The following IKZF2 variants were observed in gnomAD, a reference collection of about 807,000 sequenced individuals.
The protein encoded by IKZF2 is zinc finger protein Helios.
In IKZF2, 15 loss-of-function variants were observed where a neutral mutation model predicts 49.2. The ratio of observed to expected loss-of-function variants is 0.30; its 90% CI spans 0.20 to 0.47. IKZF2 has a LOEUF of 0.47. Among genes scored for constraint, IKZF2 ranks in the 20% least tolerant of loss-of-function variants. The probability of loss-of-function intolerance (pLI) is 1.00; values close to 1 mark genes in which losing one functional copy is unlikely to be tolerated. For missense variants in IKZF2, 567 were observed against 664.6 expected (o/e 0.85, Z 1.61); for synonymous variants, 227 against 221.4 (o/e 1.03, Z -0.23).
At chr2:213,076,780 G>C (rs987609078) in intron 4 of IKZF2, among the ~76,000 whole-genome samples, 2 of 152,188 alleles carry the variant, frequency 1.3e-5, no homozygotes, top group Admixed American at 6.5e-5. Flanking sequence ...ATTAAGAAAT[G>C]AAAGTCCAGC....
At chr2:213,083,019 G>A (rs1704119296) in intron 4 of IKZF2, among the ~76,000 whole-genome samples, 1 of 152,042 alleles carries the variant, frequency 6.6e-6, no homozygotes, top group Non-Finnish European at 1.5e-5. Context: ...TTATTTGATG[G>A]TAATTTTATA....
At chr2:213,077,599 T>A (rs1375413499) in intron 4 of IKZF2, among the ~76,000 whole-genome samples, 2 of 142,258 alleles carry the variant, frequency 1.4e-5, no homozygotes, top group African/African-American at 2.6e-5. Context: ...TTTTTTTTTT[T>A]TTTTTTGAGA....
intron 4 of IKZF2, among the ~76,000 whole-genome samples, chr2:213,088,032 G>C (rs189082824): frequency 1.3e-5 from 2 of 152,264 alleles, no homozygotes; most frequent in East Asian, 3.9e-4. Context: ...GTAATGGGAT[G>C]GCTGGGTCAA....
At chr2:213,049,414 C>T (rs189953424) in intron 6 of IKZF2, among the ~76,000 whole-genome samples, 6 of 152,112 alleles carry the variant, frequency 3.9e-5, no homozygotes, top group Admixed American at 1.3e-4. Context: ...ACCATAATGA[C>T]TGCATTCTTA....
intron 6 of IKZF2, among the ~76,000 whole-genome samples, chr2:213,032,650 C>A (rs1698577772): frequency 6.6e-6 from 1 of 152,082 alleles, no homozygotes; most frequent in Non-Finnish European, 1.5e-5. Context: ...GGCTGAGAGG[C>A]TGAGGTGGGA....
chr2:213,030,812 C>CTTTTTT (rs918257825), intron 6 of IKZF2, among the ~76,000 whole-genome samples: 15 of 133,698 alleles, frequency 1.1e-4, no homozygotes, highest in South Asian at 2.4e-4. Flanking sequence ...TACTATTTTT[C>CTTTTTT]TTTTTTTTTT....
chr2:213,045,805 A>T (rs1700097842), intron 6 of IKZF2, among the ~76,000 whole-genome samples: 1 of 152,132 alleles, frequency 6.6e-6, no homozygotes, highest in Non-Finnish European at 1.5e-5. Flanking sequence ...GCCTCTCTAG[A>T]TTTTAGAAGC....
chr2:213,049,812 T>C lies in IKZF2; in HGVS notation c.475A>G (p.Ile159Val), dbSNP rs1700509307. The change falls in exon 6 of 9, where the codon ATA (isoleucine) becomes GTA (valine). Residue 159 changes from isoleucine to valine, a missense_variant. Ile to Val is a conservative substitution (Grantham distance 29). Coordinates refer to ENST00000434687, the MANE Select transcript of IKZF2 (RefSeq NM_001387220.1). ...FTQKGNLLRH[I>V]KLHSGEKPFK... ...GGCTTCTCTCCAGAGTGTAACTTTA[T>C]GTGTCTCAGAAGGTTGCCCTTCTGA... 1.9e-6 allele frequency: 3 copies of C among 1,610,396 alleles called. No homozygotes were observed. The highest frequency in any genetic ancestry group is 2.5e-6 in the Non-Finnish European group (3 of 1,177,818).
At chr2:213,030,742 C>T (rs1698323689) in intron 6 of IKZF2, among the ~76,000 whole-genome samples, 1 of 150,212 alleles carries the variant, frequency 6.7e-6, no homozygotes, top group East Asian at 1.9e-4. Context: ...TTTTTGTGAA[C>T]ATACTGTGAA....
At chr2:213,092,108 A>C (rs2371794) in intron 4 of IKZF2, among the ~76,000 whole-genome samples, 133,829 of 152,162 alleles carry the variant, frequency 0.88, 59,092 homozygotes, top group African/African-American at 0.92. Context: ...TCACTGCAGC[A>C]TCGACTTCCT....
intron 4 of IKZF2, among the ~76,000 whole-genome samples, chr2:213,129,189 A>T (rs2060383878): frequency 6.6e-6 from 1 of 151,892 alleles, no homozygotes; most frequent in Non-Finnish European, 1.5e-5. Flanking sequence ...TGAATGAACA[A>T]GCCAAATGTT....
In IKZF2 at chr2:213,049,802, T is replaced by C. The variant is rs1166398297; in HGVS notation, c.485A>G (p.His162Arg). The C allele has an allele frequency of 6.2e-7, 1 of 1,610,228 alleles. No individual in the cohort carries two copies. Among genetic ancestry groups the C allele is most frequent in the Non-Finnish European group, 8.5e-7 (1 of 1,177,882 alleles). Residue 162 changes from histidine (H) to arginine (R), a missense_variant, in exon 6 of 9, where the codon CAC (histidine) becomes CGC (arginine). Around this residue, in one of 5 missense-constraint regions of IKZF2, gnomAD observed 54 missense variants for 119.9 expected, o/e 0.45. Coordinates refer to ENST00000434687, the MANE Select transcript of IKZF2 (RefSeq NM_001387220.1). ...KGNLLRHIKL[H>R]SGEKPFKCPF... is the part of the protein sequence containing the mutation. ...ACATTTGAACGGCTTCTCTCCAGAG[T>C]GTAACTTTATGTGTCTCAGAAGGTT... is the stretch of plus-strand genomic sequence containing the variant.
intron 4 of IKZF2, among the ~76,000 whole-genome samples, chr2:213,125,822 TA>T (rs146931365): frequency 6.6e-6 from 1 of 151,458 alleles, no homozygotes; most frequent in African/African-American, 2.4e-5. Flanking sequence ...ACGTTGGTAT[TA>T]AAAAAAAATC....
intron 6 of IKZF2, among the ~76,000 whole-genome samples, chr2:213,047,991 C>A (rs12620155): frequency 0.57 from 86,967 of 151,804 alleles, 25,788 homozygotes; most frequent in East Asian, 0.76. Flanking sequence ...TTTCTGGCAA[C>A]TTAGAGGAGC....
chr2:213,035,676 G>A (rs905467594), intron 6 of IKZF2, among the ~76,000 whole-genome samples: 4 of 152,156 alleles, frequency 2.6e-5, no homozygotes, highest in Non-Finnish European at 5.9e-5. Context: ...AAGAAACCTC[G>A]GGTTGCAAAG....
At chr2:213,069,749 C>G (rs556972343) in intron 4 of IKZF2, among the ~76,000 whole-genome samples, 1 of 152,216 alleles carries the variant, frequency 6.6e-6, no homozygotes, top group East Asian at 1.9e-4. Flanking sequence ...AACACCTTCA[C>G]AGTATAGCAA....
At chr2:213,143,855 T>C (rs749802710) in intron 4 of IKZF2, among the ~76,000 whole-genome samples, 5 of 151,944 alleles carry the variant, frequency 3.3e-5, no homozygotes, top group Non-Finnish European at 7.4e-5. Context: ...GAGATATTTG[T>C]CACAAAAATA....
intron 4 of IKZF2, among the ~76,000 whole-genome samples, chr2:213,093,827 G>C (rs79966755): frequency 0.04 from 6,092 of 152,232 alleles, 258 homozygotes; most frequent in African/African-American, 0.11. Flanking sequence ...TCCTAAGTTG[G>C]GAAGAAAGAT....
chr2:213,053,019 C>A (rs1362466025), intron 5 of IKZF2, among the ~76,000 whole-genome samples: 4 of 151,950 alleles, frequency 2.6e-5, no homozygotes, highest in African/African-American at 9.7e-5. Flanking sequence ...TCAATGTGCC[C>A]TTTTTGAGTC....
Sources: gnomAD v4.1 joint callset for allele counts (sites outside exome capture counted in the v4.1 genomes callset) on GRCh38, gnomAD v4.1.1 for gene constraint, gnomAD v4.1.1 regional missense constraint, MANE v1.5 for transcripts, NCBI Gene and HGNC (gene_info 2026-07-23, HGNC 2026-07-21) for gene names.